The following FRMD4B variants were observed in gnomAD, a reference collection of about 807,000 sequenced individuals.
The protein encoded by FRMD4B is FERM domain containing 4B, also known as FERM domain-containing protein 4B.
A neutral mutation model predicts 141.5 loss-of-function variants in FRMD4B; 74 were observed. The ratio of observed to expected loss-of-function variants is 0.52; its 90% CI spans 0.43 to 0.63. The LOEUF is 0.63. FRMD4B is among the 30% of genes least tolerant of loss of function. The pLI, the probability that FRMD4B is intolerant of heterozygous loss-of-function variation, is 0.00. For synonymous variants in FRMD4B, 506 were observed against 467.9 expected, an observed-to-expected ratio of 1.08 and a Z score of -1.05; for missense variants, 1,366 against 1,253.4, an observed-to-expected ratio of 1.09 and a Z score of -1.36.
At chr3:69,366,097 A>ACT (rs1703641321) in intron 1 of FRMD4B, among the ~76,000 whole-genome samples, 1 of 151,378 alleles carries the variant, frequency 6.6e-6, no homozygotes, top group African/African-American at 2.4e-5. Flanking sequence ...ACACACACAC[A>ACT]CACACACACA....
intron 1 of FRMD4B, among the ~76,000 whole-genome samples, chr3:69,499,545 C>T (rs959130622): frequency 3.9e-5 from 6 of 152,114 alleles, no homozygotes; most frequent in African/African-American, 1.2e-4. Context: ...AGGTTTATGA[C>T]CGAAGTAATT....
At chr3:69,307,481 C>T (rs1048154025) in intron 3 of FRMD4B, among the ~76,000 whole-genome samples, 3 of 152,012 alleles carry the variant, frequency 2.0e-5, no homozygotes, top group Non-Finnish European at 4.4e-5. Context: ...GCTGGGATTA[C>T]AGGCGCCCAC....
intron 1 of FRMD4B, among the ~76,000 whole-genome samples, chr3:69,453,956 G>C (rs567021119): frequency 6.6e-6 from 1 of 152,272 alleles, no homozygotes; most frequent in South Asian, 2.1e-4. Context: ...AGCAAGCATT[G>C]ATGTGTCCCC....
intron 1 of FRMD4B, chr3:69,472,347 G>T: frequency 2.1e-6 from 1 of 481,630 alleles, no homozygotes; most frequent in South Asian, 1.6e-5. Flanking sequence ...TGGGATTCTT[G>T]TTGGATATAT....
intron 1 of FRMD4B, among the ~76,000 whole-genome samples, chr3:69,339,967 C>T (rs1702680744): frequency 6.6e-6 from 1 of 152,074 alleles, no homozygotes; most frequent in Non-Finnish European, 1.5e-5. Context: ...GCCTACCAAG[C>T]CCTGCACTGC....
At chr3:69,180,626 C>T (rs1228287580) in intron 21 of FRMD4B, among the ~76,000 whole-genome samples, 1 of 152,040 alleles carries the variant, frequency 6.6e-6, no homozygotes, top group East Asian at 1.9e-4. Flanking sequence ...AAAAAAAACC[C>T]TAAAACAGGG....
chr3:69,373,475 A>T (rs912818997), intron 1 of FRMD4B, among the ~76,000 whole-genome samples: 1 of 152,254 alleles, frequency 6.6e-6, no homozygotes, highest in Admixed American at 6.5e-5. Context: ...ATATTTGCCA[A>T]ATGAGTTTAA....
At chr3:69,223,855 A>T (rs1281165326) in intron 8 of FRMD4B, among the ~76,000 whole-genome samples, 1 of 152,130 alleles carries the variant, frequency 6.6e-6, no homozygotes, top group African/African-American at 2.4e-5. Flanking sequence ...CAAACAAAAA[A>T]CTATCACTTG....
At chr3:69,272,569 A>G (rs1355099620) in intron 5 of FRMD4B, among the ~76,000 whole-genome samples, 2 of 152,252 alleles carry the variant, frequency 1.3e-5, no homozygotes, top group East Asian at 3.9e-4. Flanking sequence ...AAACACATAC[A>G]CTCGTATGTG....
upstream of FRMD4B, among the ~76,000 whole-genome samples, chr3:69,388,535 T>C (rs2106713910): frequency 6.6e-6 from 1 of 152,280 alleles, no homozygotes; most frequent in East Asian, 1.9e-4. Context: ...AGTGATAGTA[T>C]GGTGATTAGG....
chr3:69,386,691 G>C (rs889792651), upstream of FRMD4B, among the ~76,000 whole-genome samples: 1 of 152,166 alleles, frequency 6.6e-6, no homozygotes, highest in African/African-American at 2.4e-5. Flanking sequence ...AGCAACAGGC[G>C]GCCCTAGAAC....
chr3:69,285,675 T>G (rs998884997), intron 5 of FRMD4B, among the ~76,000 whole-genome samples: 1 of 151,742 alleles, frequency 6.6e-6, no homozygotes, highest in Non-Finnish European at 1.5e-5. Flanking sequence ...GAAACCCCAT[T>G]GCTACAAAAA....
chr3:69,515,095 TA>T (rs1293946795), intron 1 of FRMD4B, among the ~76,000 whole-genome samples: 10 of 152,238 alleles, frequency 6.6e-5, no homozygotes, highest in Admixed American at 5.9e-4. Flanking sequence ...ACAAGGAGCC[TA>T]AATCACTCAG....
intron 11 of FRMD4B, among the ~76,000 whole-genome samples, chr3:69,208,737 G>A (rs1030637075): frequency 7.2e-5 from 11 of 151,982 alleles, no homozygotes; most frequent in African/African-American, 2.7e-4. Flanking sequence ...TTATTTCTTT[G>A]CTTACTTGTT....
chr3:69,330,573 C>T (rs1264642052), intron 1 of FRMD4B, among the ~76,000 whole-genome samples: 3 of 151,626 alleles, frequency 2.0e-5, no homozygotes, highest in African/African-American at 7.3e-5. Context: ...TCTCGAACTC[C>T]TGACCTCGTG....
At chr3:69,396,700 T>C (rs1461096839) in intron 2 of FRMD4B, among the ~76,000 whole-genome samples, 1 of 152,194 alleles carries the variant, frequency 6.6e-6, no homozygotes, top group Non-Finnish European at 1.5e-5. Context: ...ATAACAAATG[T>C]TGGCAAAAAT....
chr3:69,503,969 T>C (rs749028165), intron 1 of FRMD4B, among the ~76,000 whole-genome samples: 2 of 152,170 alleles, frequency 1.3e-5, no homozygotes, highest in Non-Finnish European at 2.9e-5. Flanking sequence ...CAATACAATG[T>C]TACATGCGAT....
intron 1 of FRMD4B, among the ~76,000 whole-genome samples, chr3:69,335,652 T>G (rs923345337): frequency 6.6e-6 from 1 of 151,706 alleles, no homozygotes; most frequent in Non-Finnish European, 1.5e-5. Flanking sequence ...TCTAGACAAT[T>G]TTTCCCCCAA....
At chr3:69,459,695 A>G (rs1480629894) in intron 1 of FRMD4B, among the ~76,000 whole-genome samples, 1 of 152,244 alleles carries the variant, frequency 6.6e-6, no homozygotes, top group Admixed American at 6.5e-5. Context: ...CATCTGTAAA[A>G]TGAGAGTTAA....
Sources: allele counts gnomAD v4.1 joint callset (sites outside exome capture counted in the v4.1 genomes callset), GRCh38; gene constraint gnomAD v4.1.1; transcripts MANE v1.5; gene names NCBI Gene and HGNC (gene_info 2026-07-23, HGNC 2026-07-21).